KIAA1614: variants seen among roughly 807,000 people sequenced by gnomAD.
The protein encoded by KIAA1614 is uncharacterized protein KIAA1614.
Under a neutral mutation model 88.7 loss-of-function variants are expected in KIAA1614, and 76 were observed. The observed-to-expected ratio is 0.86, with a 90% confidence interval of 0.71 to 1.04. KIAA1614 has a LOEUF of 1.04. Ranked by LOEUF, KIAA1614 falls within the 50% of genes least tolerant of loss-of-function variation. The pLI is 0.00. For synonymous variants in KIAA1614, 714 were observed against 675.5 expected (o/e 1.06, Z -0.88); for missense variants, 1,553 against 1,582.5 (o/e 0.98, Z 0.32).
chr1:180,944,859 G>C (rs958917298), intron 8 of KIAA1614: 1 of 254,380 alleles, frequency 3.9e-6, no homozygotes, highest in African/African-American at 2.3e-5. Context: ...TAAACACATA[G>C]AGACAGAGGC....
intron 3 of KIAA1614, among the ~76,000 whole-genome samples, chr1:180,918,822 G>T (rs1406289918): frequency 6.6e-6 from 1 of 152,204 alleles, no homozygotes; most frequent in Non-Finnish European, 1.5e-5. Context: ...TATTTGGGCT[G>T]CTATAACAAA....
intron 3 of KIAA1614, 106 bp downstream of exon 3, chr1:180,918,020 A>T: frequency 1.1e-6 from 1 of 919,678 alleles, no homozygotes; most frequent in Non-Finnish European, 1.7e-6. Flanking sequence ...GAGGGCAGGC[A>T]GACTCCTGCA....
intron 3 of KIAA1614, among the ~76,000 whole-genome samples, chr1:180,923,780 T>C (rs908529118): frequency 6.6e-6 from 1 of 151,798 alleles, no homozygotes; most frequent in Non-Finnish European, 1.5e-5. Flanking sequence ...ACTCCCACCA[T>C]CCCAGCACCA....
At chr1:180,942,015 C>T (rs528181867) in intron 7 of KIAA1614, among the ~76,000 whole-genome samples, 75 of 152,292 alleles carry the variant, frequency 4.9e-4, no homozygotes, top group South Asian at 2.3e-3. Context: ...CTCAGGGAGC[C>T]GCTCCCAATC....
chr1:180,930,637 A>C (rs529879550), intron 4 of KIAA1614, among the ~76,000 whole-genome samples: 2 of 152,212 alleles, frequency 1.3e-5, no homozygotes, highest in South Asian at 4.1e-4. Flanking sequence ...TCCTCATGTC[A>C]CTCTAGCAGC....
Position 180,935,873 on chromosome 1 carries a change from G to A in KIAA1614, c.1964G>A (p.Arg655Gln). ...CTGCGACTGCGGGGCTCCAGGCCTCGAGGCCACAGGTGGTCCAAGAAGGCT... is the reference window on the plus strand; with the variant it reads ...CTGCGACTGCGGGGCTCCAGGCCTCAAGGCCACAGGTGGTCCAAGAAGGCT... Reference protein sequence around the residue: ...PRLRLRGSRPRGHRWSKKAEA... With the variant: ...PRLRLRGSRPQGHRWSKKAEA... Residue 655 changes from arginine (R) to glutamine (Q), a missense_variant, in exon 5 of 9, where the codon CGA (arginine) becomes CAA (glutamine). Coordinates refer to ENST00000367588, the MANE Select transcript of KIAA1614 (RefSeq NM_020950.2). The surrounding 1 kb of genome is among the most constrained non-coding windows in gnomAD (Gnocchi z 6.1). 1.2e-6 allele frequency: 2 copies of A among 1,613,836 alleles called. No homozygotes were observed. Among genetic ancestry groups the A allele is most frequent in the Middle Eastern group, 1.7e-4 (1 of 6,054 alleles).
At chr1:180,939,493 C>T (rs139736723) in intron 6 of KIAA1614, among the ~76,000 whole-genome samples, 27 of 152,218 alleles carry the variant, frequency 1.8e-4, no homozygotes, top group African/African-American at 4.8e-4. Flanking sequence ...GCTGCTTCCT[C>T]TTCCTTCTCT....
At chr1:180,939,067 G>T (rs533262680) in intron 6 of KIAA1614, among the ~76,000 whole-genome samples, 1 of 152,154 alleles carries the variant, frequency 6.6e-6, no homozygotes, top group East Asian at 1.9e-4. Context: ...AAAGTAACCA[G>T]ATGCAATCAC....
chr1:180,920,393 TG>T (rs1037582464), intron 3 of KIAA1614, among the ~76,000 whole-genome samples: 8 of 152,148 alleles, frequency 5.3e-5, no homozygotes, highest in Admixed American at 2.0e-4. Flanking sequence ...CTTAGGACTT[TG>T]GGGAGAGAAT....
intron 7 of KIAA1614, 63 bp from the exon 8 acceptor site, chr1:180,944,326 A>G (rs1654533601): frequency 1.3e-6 from 2 of 1,578,440 alleles, no homozygotes; most frequent in Non-Finnish European, 1.7e-6. Context: ...GGTGGGGCCA[A>G]GTCCTCTGTC....
chr1:180,940,969 A>G (rs1187539066), intron 6 of KIAA1614, 76 bp from the exon 7 acceptor site: 7 of 1,320,502 alleles, frequency 5.3e-6, no homozygotes, highest in Middle Eastern at 2.7e-4. Context: ...GGCCCTTGAG[A>G]TGGCCCCAGG....
chr1:180,920,826 C>T (rs763863652), intron 3 of KIAA1614, among the ~76,000 whole-genome samples: 1 of 152,084 alleles, frequency 6.6e-6, no homozygotes, highest in Non-Finnish European at 1.5e-5. Flanking sequence ...GGAGGAGACC[C>T]CCGGCCCCCA....
intron 3 of KIAA1614, among the ~76,000 whole-genome samples, chr1:180,919,209 G>A (rs1295775468): frequency 6.6e-6 from 1 of 152,184 alleles, no homozygotes; most frequent in Non-Finnish European, 1.5e-5. Context: ...GGGCAGCCCA[G>A]GTTCATGTGA....
At chr1:180,926,878 C>G (rs1654081710) in intron 3 of KIAA1614, among the ~76,000 whole-genome samples, 1 of 152,202 alleles carries the variant, frequency 6.6e-6, no homozygotes, top group South Asian at 2.1e-4. Flanking sequence ...GGGCAGCGGG[C>G]CTGGAGATTC....
At chr1:180,941,009 C>G in intron 6 of KIAA1614, 36 bp from the exon 7 acceptor site, 18 of 837,146 alleles carry the variant, frequency 2.2e-5, no homozygotes, top group Admixed American at 3.8e-5. Context: ...CCTCCCGGCC[C>G]TCCCCCGCCC....
intron 3 of KIAA1614, among the ~76,000 whole-genome samples, chr1:180,922,030 C>T (rs762398494): frequency 6.6e-6 from 1 of 152,210 alleles, no homozygotes; most frequent in African/African-American, 2.4e-5. Context: ...GACCCCACAC[C>T]AAATCCACTT....
Position 180,916,980 on chromosome 1 carries a change from C to T in KIAA1614, c.877C>T (p.Leu293=). 2 of 1,614,160 alleles carry T rather than the reference C, an allele frequency of 1.2e-6. No homozygotes were observed. Among genetic ancestry groups the T allele is most frequent in the Non-Finnish European group, 1.7e-6 (2 of 1,180,046 alleles). ...GGGCGCTGGGAGCAGTGTCTTGTCC[C>T]TGTCTGATCGGGTGGAGAGAAACCG... is the stretch of plus-strand genomic sequence containing the variant. ...ALGAGSSVLS[L]SDRVERNRLL... The change falls in exon 2 of 9, where the codon CTG becomes TTG. Residue 293 remains leucine (L), a synonymous_variant. Transcript: ENST00000367588.
In KIAA1614 at chr1:180,950,047, C is replaced by T. The variant is rs1215765912; in HGVS notation, c.*4459C>T. 2 of 152,606 alleles carry T rather than the reference C, an allele frequency of 1.3e-5. No individual in the cohort carries two copies. The highest frequency in any genetic ancestry group is 4.8e-5 in the African/African-American group (2 of 41,450). The allele number at this position is 152,606 out of a possible 1,614,324, so 9.5% of individuals were successfully genotyped here. A position where few individuals can be genotyped will look rare whatever the true frequency, so the allele number is the denominator to read the frequency against. ...CTCACTGTCAGGTATAAATAAATGA[C>T]AACAGTTTAACGCGTTATTTGCACT... is the stretch of plus-strand genomic sequence containing the variant. On this transcript the variant is annotated 3_prime_UTR_variant, in exon 9 of 9. Coordinates refer to ENST00000367588, the MANE Select transcript of KIAA1614 (RefSeq NM_020950.2).
chr1:180,932,375 A>T (rs1281979444), intron 4 of KIAA1614, among the ~76,000 whole-genome samples: 1 of 121,502 alleles, frequency 8.2e-6, no homozygotes, highest in Non-Finnish European at 2.0e-5. Context: ...CTTTCTCCAT[A>T]AAAAAAAATT....
Sources: gnomAD v4.1 joint callset for allele counts (sites outside exome capture counted in the v4.1 genomes callset) on GRCh38, gnomAD v4.1.1 for gene constraint, Gnocchi (gnomAD v3.1) non-coding constraint, MANE v1.5 for transcripts, NCBI Gene and HGNC (gene_info 2026-07-23, HGNC 2026-07-21) for gene names.